The following PDE4D variants were observed in gnomAD, a reference collection of about 807,000 sequenced individuals.
PDE4D encodes phosphodiesterase 4D, also known as 3',5'-cyclic-AMP phosphodiesterase 4D.
A neutral mutation model predicts 87.4 loss-of-function variants in PDE4D; 24 were observed. The observed-to-expected ratio is 0.27, with a 90% CI of 0.20 to 0.39. The LOEUF is 0.39. PDE4D is among the 10% of genes least tolerant of loss of function. The pLI, the probability that PDE4D is intolerant of heterozygous loss-of-function variation, is 1.00. For missense variants in PDE4D, 714 were observed against 1,041.0 expected (o/e 0.69, Z 4.32); for synonymous variants, 384 against 383.2 (o/e 1.00, Z -0.02).
At chr5:59,054,389 T>C (rs536931312) in intron 5 of PDE4D, among the ~76,000 whole-genome samples, 4 of 152,294 alleles carry the variant, frequency 2.6e-5, no homozygotes, top group African/African-American at 9.6e-5. Flanking sequence ...AGGTGCTCAC[T>C]TTTGAAGGCA....
chr5:60,201,368 G>A (rs1397669506), intron 1 of PDE4D, among the ~76,000 whole-genome samples: 1 of 151,852 alleles, frequency 6.6e-6, no homozygotes, highest in Non-Finnish European at 1.5e-5. Context: ...CTTAGGTTTT[G>A]TATGCTTGTT....
intron 1 of PDE4D, among the ~76,000 whole-genome samples, chr5:60,315,327 G>A (rs1198018624): frequency 3.3e-5 from 5 of 152,168 alleles, no homozygotes; most frequent in Admixed American, 6.6e-5. Context: ...ATTTGTTGAT[G>A]GGGTTGTTTG....
chr5:60,493,684 A>G (rs1749658697), intron 1 of PDE4D, among the ~76,000 whole-genome samples: 1 of 151,968 alleles, frequency 6.6e-6, no homozygotes, highest in Admixed American at 6.6e-5. Context: ...ATACCCACCC[A>G]CTGCACCTAC....
intron 3 of PDE4D, among the ~76,000 whole-genome samples, chr5:59,959,286 T>C (rs1759206789): frequency 6.6e-6 from 1 of 152,162 alleles, no homozygotes; most frequent in Non-Finnish European, 1.5e-5. Flanking sequence ...ATGTCCATAC[T>C]GCCCAAAGCA....
At chr5:60,421,167 T>G (rs962877202) in intron 1 of PDE4D, among the ~76,000 whole-genome samples, 32 of 152,174 alleles carry the variant, frequency 2.1e-4, no homozygotes, top group African/African-American at 7.7e-4. Flanking sequence ...GTCTGACAGC[T>G]CTGAAGAGAG....
At chr5:59,673,326 C>T (rs527654363) in intron 1 of PDE4D, among the ~76,000 whole-genome samples, 77 of 152,254 alleles carry the variant, frequency 5.1e-4, no homozygotes, top group African/African-American at 1.8e-3. Flanking sequence ...CCCAGTTTTC[C>T]AAGCAAGTAT....
intron 5 of PDE4D, among the ~76,000 whole-genome samples, chr5:59,121,952 G>A (rs1372909635): frequency 1.3e-5 from 2 of 152,100 alleles, no homozygotes; most frequent in East Asian, 3.9e-4. Context: ...GACCAGCCTG[G>A]CCAATATGGT....
intron 1 of PDE4D, among the ~76,000 whole-genome samples, chr5:59,406,156 C>G (rs1041661453): frequency 3.3e-5 from 5 of 152,078 alleles, no homozygotes; most frequent in African/African-American, 1.2e-4. Flanking sequence ...CCATCAGATC[C>G]TGGGCTTTTC....
chr5:60,179,872 A>T (rs1026568320), intron 2 of PDE4D, among the ~76,000 whole-genome samples: 16 of 152,302 alleles, frequency 1.1e-4, no homozygotes, highest in African/African-American at 3.8e-4. Flanking sequence ...AATACTACTG[A>T]TAGAAAACTC....
chr5:59,768,327 T>C, intron 1 of PDE4D: 1 of 1,598,286 alleles, frequency 6.3e-7, no homozygotes, highest in Non-Finnish European at 8.5e-7. Flanking sequence ...TGGGGGAATT[T>C]CTCGGAGAGA....
intron 1 of PDE4D, among the ~76,000 whole-genome samples, chr5:60,342,808 T>C (rs1258447177): frequency 6.6e-6 from 1 of 152,138 alleles, no homozygotes; most frequent in Non-Finnish European, 1.5e-5. Flanking sequence ...CTACAATAAA[T>C]AGTGCATTCT....
intron 1 of PDE4D, among the ~76,000 whole-genome samples, chr5:59,735,340 T>C (rs892512302): frequency 6.6e-6 from 1 of 152,176 alleles, no homozygotes; most frequent in Admixed American, 6.6e-5. Context: ...TTCTATTAAT[T>C]GTATTCAGGC....
At chr5:60,280,798 C>T (rs76766713) in intron 1 of PDE4D, among the ~76,000 whole-genome samples, 1,747 of 152,242 alleles carry the variant, frequency 0.011, 36 homozygotes, top group African/African-American at 0.04. Flanking sequence ...GCCAGGCTCA[C>T]ATTAAGGCTC....
chr5:59,385,068 C>A (rs1786707684), intron 1 of PDE4D, among the ~76,000 whole-genome samples: 1 of 152,156 alleles, frequency 6.6e-6, no homozygotes, highest in Non-Finnish European at 1.5e-5. Context: ...GATGCTCTAG[C>A]AAATTGGATA....
At chr5:60,078,401 T>G (rs1773553716) in intron 2 of PDE4D, among the ~76,000 whole-genome samples, 1 of 152,208 alleles carries the variant, frequency 6.6e-6, no homozygotes, top group Non-Finnish European at 1.5e-5. Flanking sequence ...TGCAAGAGAT[T>G]TTCTTTTTTT....
At chr5:59,313,032 C>A (rs977089177) in intron 1 of PDE4D, among the ~76,000 whole-genome samples, 2 of 152,068 alleles carry the variant, frequency 1.3e-5, no homozygotes, top group Non-Finnish European at 2.9e-5. Flanking sequence ...TCCAAAAGGT[C>A]CCCCAGTTGA....
chr5:59,303,522 C>T (rs1838721), intron 1 of PDE4D, among the ~76,000 whole-genome samples: 5 of 151,940 alleles, frequency 3.3e-5, no homozygotes, highest in Admixed American at 3.3e-4. Flanking sequence ...CATAGTTTCA[C>T]GTCTTAGGTT....
intron 1 of PDE4D, chr5:60,487,852 C>T (rs140776245): frequency 6.6e-6 from 1 of 152,348 alleles, no homozygotes; most frequent in Non-Finnish European, 1.5e-5. Context: ...GAATCATCTG[C>T]TAGTTCAGTA....
At chr5:59,479,641 T>A (rs114455257) in intron 1 of PDE4D, among the ~76,000 whole-genome samples, 1 of 151,986 alleles carries the variant, frequency 6.6e-6, no homozygotes. Flanking sequence ...TCAGAGATCA[T>A]CACATGTAGT....
Sources: allele counts gnomAD v4.1 joint callset (sites outside exome capture counted in the v4.1 genomes callset), GRCh38; gene constraint gnomAD v4.1.1; transcripts MANE v1.5; gene names NCBI Gene and HGNC (gene_info 2026-07-23, HGNC 2026-07-21).